SOS1: variants seen among roughly 807,000 people sequenced by gnomAD.
SOS1 encodes son of sevenless homolog 1.
In SOS1, 25 loss-of-function variants were observed where a neutral mutation model predicts 157.6. The ratio of observed to expected loss-of-function variants is 0.16; its 90% CI spans 0.12 to 0.22. SOS1 has a LOEUF of 0.22. SOS1 is among the 10% of genes least tolerant of loss of function. SOS1 has a pLI of 1.00. For missense variants in SOS1, 1,237 were observed against 1,599.1 expected, an observed-to-expected ratio of 0.77 and a Z score of 3.86; for synonymous variants, 528 against 534.0, an observed-to-expected ratio of 0.99 and a Z score of 0.16.
intron 17 of SOS1, among the ~76,000 whole-genome samples, 178 bp from the exon 18 acceptor site, chr2:38,997,603 TA>T (rs1271835803): frequency 1.7e-5 from 1 of 58,256 alleles, no homozygotes; most frequent in Admixed American, 2.5e-4. Flanking sequence ...GTGAAAGACT[TA>T]AATTTTTTTT....
chr2:39,078,612 G>C (rs1156692710), intron 1 of SOS1, among the ~76,000 whole-genome samples: 2 of 152,138 alleles, frequency 1.3e-5, no homozygotes, highest in African/African-American at 4.8e-5. Context: ...TCATGGGACC[G>C]TGAACCCTAC....
chr2:39,084,630 T>C (rs1672310560), intron 1 of SOS1, among the ~76,000 whole-genome samples: 1 of 152,174 alleles, frequency 6.6e-6, no homozygotes, highest in Non-Finnish European at 1.5e-5. Context: ...AATATAAATT[T>C]AATTAAAAAT....
At chr2:39,076,395 C>T (rs1671998513) in intron 1 of SOS1, among the ~76,000 whole-genome samples, 1 of 149,360 alleles carries the variant, frequency 6.7e-6, no homozygotes, top group Non-Finnish European at 1.5e-5. Context: ...TGAGACCTTA[C>T]CTTAAAAAAA....
At chr2:39,094,955 A>G (rs1456208608) in intron 1 of SOS1, among the ~76,000 whole-genome samples, 1 of 152,208 alleles carries the variant, frequency 6.6e-6, no homozygotes, top group Admixed American at 6.5e-5. Context: ...GAAGCTCCCA[A>G]GAGAAATCTT....
chr2:39,035,147 TGAA>T (rs1670299838), intron 8 of SOS1, 62 bp downstream of exon 8: 1 of 1,031,348 alleles, frequency 9.7e-7, no homozygotes, highest in Non-Finnish European at 1.5e-6. Flanking sequence ...AATTTACAAA[TGAA>T]GTAGCAAAAA....
intron 1 of SOS1, among the ~76,000 whole-genome samples, chr2:39,119,036 C>G (rs1160735745): frequency 6.6e-6 from 1 of 152,136 alleles, no homozygotes; most frequent in East Asian, 1.9e-4. Context: ...CCGTGTCTCC[C>G]CTTACTCTAT....
chr2:39,012,642 C>T (rs996962050), intron 13 of SOS1, among the ~76,000 whole-genome samples: 5 of 152,038 alleles, frequency 3.3e-5, no homozygotes, highest in African/African-American at 1.2e-4. Flanking sequence ...TCCCATTGTT[C>T]TGATCTTCAG....
In SOS1 at chr2:39,118,290, C is replaced by T. The variant is rs542566857; in HGVS notation, c.87+2046G>A. The stretch of plus-strand genomic sequence containing the variant: ...AGAGAACACAAGTCGGATGTATCTA[C>T]GAATAATTCAATAACAAATCAAAGG... On this transcript the variant is annotated intron_variant, in intron 1 of 22. Transcript: ENST00000402219. Among the ~76,000 whole-genome samples, 6 of 152,206 alleles carry T rather than the reference C, an allele frequency of 3.9e-5. No individual in the cohort carries two copies. The South Asian group carries it at 1.2e-3, about 32-fold the overall frequency.
chr2:39,087,843 T>C (rs536745556), intron 1 of SOS1, among the ~76,000 whole-genome samples: 2 of 152,160 alleles, frequency 1.3e-5, no homozygotes, highest in East Asian at 1.9e-4. Context: ...CATGCCCAGC[T>C]AATTTTTAAA....
At chr2:39,076,172 G>A (rs565232309) in intron 1 of SOS1, among the ~76,000 whole-genome samples, 256 of 152,290 alleles carry the variant, frequency 1.7e-3, no homozygotes, top group Non-Finnish European at 1.9e-3. Flanking sequence ...CACTTTAGGA[G>A]GCTGAGGCTT....
chr2:38,984,062 T>G lies in SOS1; in HGVS notation c.*1762A>C, dbSNP rs374339697. 2.4e-4 allele frequency: 37 copies of G among 152,292 alleles called. No individual in the cohort carries two copies. Among genetic ancestry groups the G allele is most frequent in the African/African-American group, 8.9e-4 (37 of 41,582 alleles). 9.4% of individuals were successfully genotyped at this position (152,292 alleles called of 1,614,324 possible). On this transcript the variant is annotated 3_prime_UTR_variant, in exon 23 of 23. Transcript: ENST00000402219. The stretch of plus-strand genomic sequence containing the variant: ...CATACTGTACTATCGTGATGTACAT[T>G]TTATGCTCTAATAAATATCATAGGA...
chr2:39,024,943 CTG>C (rs3085566), intron 8 of SOS1, among the ~76,000 whole-genome samples: 123,367 of 152,058 alleles, frequency 0.81, 52,103 homozygotes, highest in Non-Finnish European at 0.93. Flanking sequence ...TGGCAAATAT[CTG>C]TGTCAGACAG....
At chr2:39,058,930 A>G (rs1671307559) in intron 2 of SOS1, 126 bp from the exon 3 acceptor site, 2 of 724,590 alleles carry the variant, frequency 2.8e-6, no homozygotes, top group Admixed American at 5.4e-5. Flanking sequence ...AATTTACATT[A>G]CAAACATATG....
At chr2:38,987,302 G>C (rs1668585876) in intron 22 of SOS1, among the ~76,000 whole-genome samples, 171 bp downstream of exon 22, 2 of 152,218 alleles carry the variant, frequency 1.3e-5, no homozygotes, top group South Asian at 4.1e-4. Context: ...ACTACCTTCA[G>C]AAGAAAGAAA....
chr2:39,101,449 CTGT>C (rs1180916868), intron 1 of SOS1, among the ~76,000 whole-genome samples: 3 of 152,132 alleles, frequency 2.0e-5, no homozygotes, highest in Non-Finnish European at 4.4e-5. Context: ...CCTAGATCAA[CTGT>C]TGAACAACTA....
In SOS1 at chr2:39,041,685, C is replaced by T. The variant is rs137892307; in HGVS notation, c.865-6185G>A. Among the ~76,000 whole-genome samples, 11 of 152,232 alleles carry T rather than the reference C, an allele frequency of 7.2e-5. 1 individual carries two copies. The East Asian group carries it at 1.9e-3, about 27-fold the overall frequency. On this transcript the variant is annotated intron_variant, in intron 6 of 22. Transcript: ENST00000402219. Reference sequence around the variant, plus strand: ...CTTTGATCCATTTTGAGTTAATTTTCGGATATGGTACATGGTTCCAACTTC... The same window carrying T: ...CTTTGATCCATTTTGAGTTAATTTTTGGATATGGTACATGGTTCCAACTTC...
intron 2 of SOS1, among the ~76,000 whole-genome samples, chr2:39,066,238 A>G (rs959069859): frequency 9.2e-5 from 14 of 152,170 alleles, no homozygotes; most frequent in African/African-American, 3.4e-4. Flanking sequence ...TGCCATTACC[A>G]GTTTTTACAA....
chr2:39,105,224 G>A (rs991472168), intron 1 of SOS1, among the ~76,000 whole-genome samples: 1 of 151,588 alleles, frequency 6.6e-6, no homozygotes, highest in South Asian at 2.1e-4. Context: ...CAAAAAGTTT[G>A]TATCAATTAA....
At chr2:39,047,190 A>C (rs1670821478) in intron 6 of SOS1, among the ~76,000 whole-genome samples, 1 of 152,210 alleles carries the variant, frequency 6.6e-6, no homozygotes, top group African/African-American at 2.4e-5. Context: ...ATATATATGT[A>C]CTTTGAGTCT....
Sources: gnomAD v4.1 joint callset for allele counts (sites outside exome capture counted in the v4.1 genomes callset) on GRCh38, gnomAD v4.1.1 for gene constraint, MANE v1.5 for transcripts, NCBI Gene and HGNC (gene_info 2026-07-23, HGNC 2026-07-21) for gene names.